LYPLA2: variants seen among roughly 807,000 people sequenced by gnomAD.
The protein encoded by LYPLA2 is acyl-protein thioesterase 2.
A neutral mutation model predicts 30.3 loss-of-function variants in LYPLA2; 7 were observed. The ratio of observed to expected loss-of-function variants is 0.23; its 90% CI spans 0.13 to 0.43. The LOEUF (loss-of-function observed/expected upper bound fraction) is 0.43, where lower values mean the gene tolerates loss of function less well. Among genes scored for constraint, LYPLA2 ranks in the 20% least tolerant of loss-of-function variants. LYPLA2 has a pLI of 1.00. For synonymous variants in LYPLA2, 112 were observed against 118.2 expected, an observed-to-expected ratio of 0.95 and a Z score of 0.34; for missense variants, 206 against 307.9, an observed-to-expected ratio of 0.67 and a Z score of 2.48.
rs760872276 is a variant in LYPLA2 at position 23,793,488 on chromosome 1, C to T, written c.177-217C>T. On this transcript the variant is annotated intron_variant, in intron 4 of 9. Coordinates refer to ENST00000374514, the MANE Select transcript of LYPLA2 (RefSeq NM_007260.3). The surrounding 1 kb of genome is among the most constrained non-coding windows in gnomAD (Gnocchi z 6.0). ...AGTACTCACCGACTACCTGGGACCC[C>T]GTCACACCAAGCGCTGGGCTCTGCT... 2.2e-4 allele frequency among the ~76,000 whole-genome samples: 34 copies of T among 152,180 alleles called. No homozygotes were observed. The highest frequency in any genetic ancestry group is 1.2e-3 in the East Asian group (6 of 5,188).
Position 23,795,129 on chromosome 1 carries a change from A to G in LYPLA2, c.*397A>G. 2 of 384,532 alleles carry G rather than the reference A, an allele frequency of 5.2e-6. No individual in the cohort carries two copies. The highest frequency in any genetic ancestry group is 5.0e-6 in the Non-Finnish European group (1 of 199,978). The allele number at this position is 384,532 out of a possible 1,614,324, so 23.8% of individuals were successfully genotyped here. On this transcript the variant is annotated 3_prime_UTR_variant, in exon 10 of 10. Transcript: ENST00000374514. ...GGGGCCCCCCCAGGCCCCTGCCCCAACTGATTCTGCCCAGATAATCGTGTC... is the reference window on the plus strand; with the variant it reads ...GGGGCCCCCCCAGGCCCCTGCCCCAGCTGATTCTGCCCAGATAATCGTGTC...
Position 23,794,051 on chromosome 1 carries a change from C to T in LYPLA2, c.296-12C>T. The T allele has an allele frequency of 6.2e-7, 1 of 1,612,994 alleles. No homozygotes were observed. Among genetic ancestry groups the T allele is most frequent in the Non-Finnish European group, 8.5e-7 (1 of 1,179,062 alleles). On this transcript the variant is annotated splice_polypyrimidine_tract_variant and intron_variant, in intron 6 of 9. Transcript: ENST00000374514. This position sits in a 1 kb window ranked among gnomAD's most constrained non-coding sequence, Gnocchi z 5.9. ...GCAGCTTCCCTCTACCCACTCATGC[C>T]CCCTCCCCCAGTCAAGGCCTTGATT... is the stretch of plus-strand genomic sequence containing the variant.
chr1:23,794,246 C>T lies in LYPLA2; in HGVS notation c.392C>T (p.Thr131Met), dbSNP rs768199906. ...CAGGGCGGGGCCCTGTCCCTCTACA[C>T]GGCCCTCACCTGCCCCCACCCTCTG... ...FSQGGALSLYTALTCPHPLAG... is the reference protein window; with the variant it reads ...FSQGGALSLYMALTCPHPLAG... Residue 131 changes from threonine to methionine, a missense_variant, in exon 8 of 10, where the codon ACG becomes ATG. Thr to Met is a moderately conservative substitution (Grantham distance 81). Coordinates refer to ENST00000374514, the MANE Select transcript of LYPLA2 (RefSeq NM_007260.3). This position sits in a 1 kb window ranked among gnomAD's most constrained non-coding sequence, Gnocchi z 5.9. The T allele has an allele frequency of 4.3e-6, 7 of 1,611,140 alleles. No individual in the cohort carries two copies. Among genetic ancestry groups the T allele is most frequent in the African/African-American group, 1.3e-5 (1 of 74,872 alleles).
intron 1 of LYPLA2, among the ~76,000 whole-genome samples, chr1:23,792,260 G>A (rs1240017016): frequency 6.6e-6 from 1 of 151,962 alleles, no homozygotes; most frequent in Non-Finnish European, 1.5e-5. Context: ...CCGGAGTTGG[G>A]GAGGCAGGGA....
intron 1 of LYPLA2, among the ~76,000 whole-genome samples, chr1:23,792,345 G>C (rs1430330616): frequency 6.6e-6 from 1 of 152,104 alleles, no homozygotes; most frequent in Non-Finnish European, 1.5e-5. Context: ...CAGGCGTGCC[G>C]CTGCCTCCCC....
chr1:23,791,206 AGAG>A lies in LYPLA2; in HGVS notation c.-67_-65del, dbSNP rs1225571178. On this transcript the variant is annotated 5_prime_UTR_variant, in exon 1 of 10. Coordinates refer to ENST00000374514, the MANE Select transcript of LYPLA2 (RefSeq NM_007260.3). ...GGGGAAGAGTGTGTCTGCGGGAGAA[AGAG>A]GAGAATCGCCCAAGCGGCCTCGGAA... The A allele has an allele frequency of 1.3e-5, 2 of 152,420 alleles. No homozygotes were observed. The highest frequency in any genetic ancestry group is 2.9e-5 in the Non-Finnish European group (2 of 68,026). The allele number at this position is 152,420 out of a possible 1,614,324, so 9.4% of individuals were successfully genotyped here.
In LYPLA2 at chr1:23,794,187, G is replaced by T; in HGVS notation, c.370-37G>T. ...GGGGGTAGGGGTGGCCGGTGAGTGAGCTGTGCCCTCATGACCCCTCTCTCT... is the reference window on the plus strand; with the variant it reads ...GGGGGTAGGGGTGGCCGGTGAGTGATCTGTGCCCTCATGACCCCTCTCTCT... On this transcript the variant is annotated intron_variant, in intron 7 of 9. Transcript: ENST00000374514. This position sits in a 1 kb window ranked among gnomAD's most constrained non-coding sequence, Gnocchi z 5.9. 2 of 1,585,272 alleles carry T rather than the reference G, an allele frequency of 1.3e-6. No homozygotes were observed. The highest frequency in any genetic ancestry group is 1.7e-6 in the Non-Finnish European group (2 of 1,163,126).
At chr1:23,792,534 A>C in intron 1 of LYPLA2, 123 bp from the exon 2 acceptor site, 1 of 652,280 alleles carries the variant, frequency 1.5e-6, no homozygotes, top group Non-Finnish European at 2.8e-6. Context: ...TTCTTGCTTG[A>C]CTATTCTTTG....
At position 23,794,291 on chromosome 1, in the gene LYPLA2, G is replaced by GC; in HGVS notation, c.438dup (p.Cys147LeufsTer14). 6.2e-7 allele frequency: 1 copy of GC among 1,612,674 alleles called. No homozygotes were observed. ...CCTCTGGCTGGCATCGTGGCGTTGA[G>GC]CTGCTGGCTGCCTCTGCACCGGGCC... On this transcript the variant is annotated frameshift_variant, in exon 8 of 10. Transcript: ENST00000374514. LOFTEE classifies it high-confidence loss of function. The surrounding 1 kb of genome is among the most constrained non-coding windows in gnomAD (Gnocchi z 5.9).
Position 23,793,194 on chromosome 1 carries a change from G to T in LYPLA2, c.154G>T (p.Val52Phe). ...DALSTIRLPH[V>F]KYICPHAPRI... ...CCTCTCCACCATCCGGCTCCCTCAC[G>T]TCAAGTACATCTGTCCCCATGCGTG... The change falls in exon 4 of 10, where the codon GTC (valine) becomes TTC (phenylalanine). Residue 52 changes from valine (V) to phenylalanine (F), a missense_variant. Transcript: ENST00000374514. The surrounding 1 kb of genome is among the most constrained non-coding windows in gnomAD (Gnocchi z 6.0). The T allele has an allele frequency of 6.2e-7, 1 of 1,613,918 alleles. No individual in the cohort carries two copies. The highest frequency in any genetic ancestry group is 1.3e-5 in the African/African-American group (1 of 75,026).
In LYPLA2 at chr1:23,794,939, GGCT is replaced by G; in HGVS notation, c.*211_*213del. 4.2e-6 allele frequency: 3 copies of G among 713,298 alleles called. No individual in the cohort carries two copies. Among genetic ancestry groups the G allele is most frequent in the Non-Finnish European group, 7.6e-6 (3 of 393,722 alleles). 44.2% of individuals were successfully genotyped at this position (713,298 alleles called of 1,614,324 possible). A position where few individuals can be genotyped will look rare whatever the true frequency, so the allele number is the denominator to read the frequency against. On this transcript the variant is annotated 3_prime_UTR_variant, in exon 10 of 10. Transcript: ENST00000374514. This position sits in a 1 kb window ranked among gnomAD's most constrained non-coding sequence, Gnocchi z 5.9. ...CCTGGCTCTGTCTGCAGCAGGGGCA[GGCT>G]GCTTTCTTATCCATTTCCCTGGAGG... is the stretch of plus-strand genomic sequence containing the variant.
chr1:23,792,908 C>A, intron 2 of LYPLA2, 100 bp from the exon 3 acceptor site: 1 of 1,431,546 alleles, frequency 7.0e-7, no homozygotes, highest in Non-Finnish European at 9.7e-7. Flanking sequence ...TTGGCTGCTA[C>A]CTGGGTTCCC....
chr1:23,794,958 TC>T lies in LYPLA2; in HGVS notation c.*229del, dbSNP rs1638900363. The T allele has an allele frequency of 1.4e-6, 1 of 698,660 alleles. No homozygotes were observed. 43.3% of individuals were successfully genotyped at this position (698,660 alleles called of 1,614,324 possible). A position where few individuals can be genotyped will look rare whatever the true frequency, so the allele number is the denominator to read the frequency against. Reference sequence around the variant, plus strand: ...GGGGCAGGCTGCTTTCTTATCCATTTCCCTGGAGGCGGGCCCCCCTGGCAGC... The same window carrying T: ...GGGGCAGGCTGCTTTCTTATCCATTTCCTGGAGGCGGGCCCCCCTGGCAGC... On this transcript the variant is annotated 3_prime_UTR_variant, in exon 10 of 10. Coordinates refer to ENST00000374514, the MANE Select transcript of LYPLA2 (RefSeq NM_007260.3). The surrounding 1 kb of genome is among the most constrained non-coding windows in gnomAD (Gnocchi z 5.9).
chr1:23,793,322 G>A lies in LYPLA2; in HGVS notation c.176+106G>A. On this transcript the variant is annotated intron_variant, in intron 4 of 9. Coordinates refer to ENST00000374514, the MANE Select transcript of LYPLA2 (RefSeq NM_007260.3). The surrounding 1 kb of genome is among the most constrained non-coding windows in gnomAD (Gnocchi z 6.0). ...CTGTCAGTTGCATCCTGGGGCTTGGGCTCAGGGCAGTCAGAAGTGGCATTT... is the reference window on the plus strand; with the variant it reads ...CTGTCAGTTGCATCCTGGGGCTTGGACTCAGGGCAGTCAGAAGTGGCATTT... 1 of 1,199,298 alleles carries A rather than the reference G, an allele frequency of 8.3e-7. No homozygotes were observed. Among genetic ancestry groups the A allele is most frequent in the Non-Finnish European group, 1.2e-6 (1 of 824,144 alleles). 74.3% of individuals were successfully genotyped at this position (1,199,298 alleles called of 1,614,324 possible).
In LYPLA2 at chr1:23,794,383, C is replaced by G. The variant is rs747596643; in HGVS notation, c.472-44C>G. 1.7e-5 allele frequency: 27 copies of G among 1,610,494 alleles called. No homozygotes were observed. In the Admixed American group the frequency reaches 3.7e-4, roughly 22 times the overall value. ...TGTCTGCATCCTCGTGGCTTGGGGACTGCTGCAGCACTAGCTTTGCCCTGA... is the reference window on the plus strand; with the variant it reads ...TGTCTGCATCCTCGTGGCTTGGGGAGTGCTGCAGCACTAGCTTTGCCCTGA... On this transcript the variant is annotated intron_variant, in intron 8 of 9. Coordinates refer to ENST00000374514, the MANE Select transcript of LYPLA2 (RefSeq NM_007260.3). This position sits in a 1 kb window ranked among gnomAD's most constrained non-coding sequence, Gnocchi z 5.9.
Position 23,793,355 on chromosome 1 carries a change from G to A in LYPLA2, c.176+139G>A. 1.1e-6 allele frequency: 1 copy of A among 888,942 alleles called. No individual in the cohort carries two copies. Among genetic ancestry groups the A allele is most frequent in the Non-Finnish European group, 1.8e-6 (1 of 564,780 alleles). 55.1% of individuals were successfully genotyped at this position (888,942 alleles called of 1,614,324 possible). On this transcript the variant is annotated intron_variant, in intron 4 of 9. Transcript: ENST00000374514. The surrounding 1 kb of genome is among the most constrained non-coding windows in gnomAD (Gnocchi z 6.0). The stretch of plus-strand genomic sequence containing the variant: ...CAGTCAGAAGTGGCATTTTCAGCCT[G>A]AGCTCCTGTGGAGCCCCCAGGAGTG...
rs112266814 is a variant in LYPLA2 at position 23,792,974 on chromosome 1, C to A, written c.79-34C>A. On this transcript the variant is annotated intron_variant, in intron 2 of 9. Transcript: ENST00000374514. ...CAGAAGTTGGAGGACCTAGGGGAAGCCTTCCTGTCTCCCCATTTCCCATCC... is the reference window on the plus strand; with the variant it reads ...CAGAAGTTGGAGGACCTAGGGGAAGACTTCCTGTCTCCCCATTTCCCATCC... The A allele has an allele frequency of 7.9e-5, 127 of 1,601,736 alleles. No homozygotes were observed. In the African/African-American group the frequency reaches 1.5e-3, roughly 19 times the overall value.
Position 23,794,401 on chromosome 1 carries a change from T to C in LYPLA2, c.472-26T>C. ...TTGGGGACTGCTGCAGCACTAGCTT[T>C]GCCCTGAGTCCTGTCCGGCCTCCAG... On this transcript the variant is annotated intron_variant, in intron 8 of 9. Coordinates refer to ENST00000374514, the MANE Select transcript of LYPLA2 (RefSeq NM_007260.3). This position sits in a 1 kb window ranked among gnomAD's most constrained non-coding sequence, Gnocchi z 5.9. The C allele has an allele frequency of 6.2e-7, 1 of 1,613,600 alleles. No homozygotes were observed. Among genetic ancestry groups the C allele is most frequent in the East Asian group, 2.2e-5 (1 of 44,870 alleles).
chr1:23,793,591 G>A lies in LYPLA2; in HGVS notation c.177-114G>A. ...GTTGCCTGGCAACACCTTAAACACA[G>A]GCCCTGCCTGCTGGGAGGGGCCACC... On this transcript the variant is annotated intron_variant, in intron 4 of 9. Transcript: ENST00000374514. The surrounding 1 kb of genome is among the most constrained non-coding windows in gnomAD (Gnocchi z 6.0). 3 of 1,094,434 alleles carry A rather than the reference G, an allele frequency of 2.7e-6. No homozygotes were observed. The highest frequency in any genetic ancestry group is 4.2e-6 in the Non-Finnish European group (3 of 712,484). 67.8% of individuals were successfully genotyped at this position (1,094,434 alleles called of 1,614,324 possible). A position where few individuals can be genotyped will look rare whatever the true frequency, so the allele number is the denominator to read the frequency against.
Sources: allele counts gnomAD v4.1 joint callset (sites outside exome capture counted in the v4.1 genomes callset), GRCh38; gene constraint gnomAD v4.1.1; non-coding constraint Gnocchi (gnomAD v3.1); transcripts MANE v1.5; gene names NCBI Gene and HGNC (gene_info 2026-07-23, HGNC 2026-07-21).